ATG4C: variants seen among roughly 807,000 people sequenced by gnomAD.
ATG4C encodes cysteine protease ATG4C.
In ATG4C, 56 loss-of-function variants were observed where a neutral mutation model predicts 57.6. The observed-to-expected ratio is 0.97, with a 90% CI of 0.78 to 1.21. The LOEUF is 1.21. ATG4C is among the 50% of genes most tolerant of loss of function. The pLI is 0.00. For missense variants in ATG4C, 595 were observed against 529.8 expected, an observed-to-expected ratio of 1.12 and a Z score of -1.21; for synonymous variants, 157 against 174.1, an observed-to-expected ratio of 0.90 and a Z score of 0.78.
chr1:62,791,878 A>C (rs1214698173), intron 1 of ATG4C, among the ~76,000 whole-genome samples: 1 of 152,136 alleles, frequency 6.6e-6, no homozygotes, highest in African/African-American at 2.4e-5. Context: ...TTATGCTCCT[A>C]GACATTAGAC....
At chr1:62,861,656 CTG>C (rs1309331463) in intron 10 of ATG4C, among the ~76,000 whole-genome samples, 2 of 151,354 alleles carry the variant, frequency 1.3e-5, no homozygotes, top group African/African-American at 4.9e-5. Flanking sequence ...AGAAAAATCA[CTG>C]TTTCATTCAG....
intron 3 of ATG4C, among the ~76,000 whole-genome samples, chr1:62,805,783 T>C (rs1243307888): frequency 1.3e-5 from 2 of 152,188 alleles, no homozygotes. Context: ...TAGATTCAGG[T>C]ATTCTCATCT....
chr1:62,844,445 T>C (rs1490942429), intron 10 of ATG4C, among the ~76,000 whole-genome samples: 1 of 152,190 alleles, frequency 6.6e-6, no homozygotes, highest in Non-Finnish European at 1.5e-5. Flanking sequence ...TATATAAGTC[T>C]CTGAGTTTTG....
intron 8 of ATG4C, among the ~76,000 whole-genome samples, 190 bp downstream of exon 8, chr1:62,834,306 A>G (rs1237309350): frequency 6.6e-6 from 1 of 152,040 alleles, no homozygotes; most frequent in Non-Finnish European, 1.5e-5. Context: ...TATATGTTTA[A>G]TTTCTGTTAC....
intron 10 of ATG4C, among the ~76,000 whole-genome samples, chr1:62,843,105 G>T (rs1666221435): frequency 6.6e-6 from 1 of 151,074 alleles, no homozygotes. Flanking sequence ...CAGTAAAGCA[G>T]TTTACTCCTG....
intron 1 of ATG4C, among the ~76,000 whole-genome samples, chr1:62,786,756 G>A (rs1405805183): frequency 1.3e-5 from 2 of 152,148 alleles, no homozygotes; most frequent in Non-Finnish European, 2.9e-5. Context: ...AGAGGAGGCA[G>A]ACATAAATCA....
intron 6 of ATG4C, among the ~76,000 whole-genome samples, chr1:62,827,217 C>T (rs1221881335): frequency 1.3e-5 from 2 of 152,228 alleles, no homozygotes; most frequent in Non-Finnish European, 1.5e-5. Flanking sequence ...TAACTATAAT[C>T]GTATCTTCTA....
rs138608350 is a variant in ATG4C at position 62,864,018 on chromosome 1, A to G, written c.1236A>G (p.Lys412=). Residue 412 remains lysine, a synonymous_variant, in exon 11 of 11, where the codon AAA becomes AAG. Transcript: ENST00000317868. ...TGCTGAAATTTTCTTCTAAGGAGAA[A>G]TATCCCTTATTTACTTTTGTAAATG... ...TKMLKFSSKE[K]YPLFTFVNGH... is the part of the protein sequence containing the mutation. 8 of 1,579,872 alleles carry G rather than the reference A, an allele frequency of 5.1e-6. No homozygotes were observed. The highest frequency in any genetic ancestry group is 6.8e-6 in the Non-Finnish European group (8 of 1,167,984).
In ATG4C at chr1:62,865,499, A is replaced by G. The variant is rs1025544392; in HGVS notation, c.*1340A>G. 2 of 151,960 alleles carry G rather than the reference A, an allele frequency of 1.3e-5. No individual in the cohort carries two copies. Among genetic ancestry groups the G allele is most frequent in the Non-Finnish European group, 2.9e-5 (2 of 67,852 alleles). The allele number at this position is 151,960 out of a possible 1,614,324, so 9.4% of individuals were successfully genotyped here. On this transcript the variant is annotated 3_prime_UTR_variant, in exon 11 of 11. Coordinates refer to ENST00000317868, the MANE Select transcript of ATG4C (RefSeq NM_032852.4). Reference sequence around the variant, plus strand: ...AAGATTACTTACTGAGTTGAAATAAATAGTCTGAAATCTAAAAGTTTTCTT... The same window carrying G: ...AAGATTACTTACTGAGTTGAAATAAGTAGTCTGAAATCTAAAAGTTTTCTT...
intron 10 of ATG4C, among the ~76,000 whole-genome samples, chr1:62,849,667 A>G (rs1666441250): frequency 6.6e-6 from 1 of 152,078 alleles, no homozygotes; most frequent in South Asian, 2.1e-4. Context: ...GCCTGCCACC[A>G]CGCCCAGCTA....
intron 10 of ATG4C, among the ~76,000 whole-genome samples, chr1:62,841,874 G>A (rs1291196938): frequency 2.6e-5 from 4 of 152,188 alleles, no homozygotes; most frequent in African/African-American, 9.6e-5. Flanking sequence ...TCCCTTAGGG[G>A]TAGGAAAAAA....
intron 1 of ATG4C, among the ~76,000 whole-genome samples, chr1:62,800,047 T>A (rs1287151672): frequency 6.6e-6 from 1 of 152,186 alleles, no homozygotes; most frequent in Non-Finnish European, 1.5e-5. Flanking sequence ...CTTCCCCATA[T>A]AACATGTCTA....
chr1:62,835,832 T>C (rs1244605415), intron 9 of ATG4C, among the ~76,000 whole-genome samples: 1 of 152,068 alleles, frequency 6.6e-6, no homozygotes, highest in Non-Finnish European at 1.5e-5. Context: ...AGTTGACTGA[T>C]TGGTACTGGG....
intron 5 of ATG4C, among the ~76,000 whole-genome samples, chr1:62,820,349 A>G (rs747389876): frequency 3.3e-5 from 5 of 152,104 alleles, no homozygotes; most frequent in Admixed American, 1.3e-4. Flanking sequence ...AGTCCCTTAA[A>G]ACTGTCAAAA....
intron 10 of ATG4C, among the ~76,000 whole-genome samples, chr1:62,847,481 A>G (rs936501892): frequency 6.6e-6 from 1 of 152,336 alleles, no homozygotes; most frequent in Non-Finnish European, 1.5e-5. Context: ...TAGAAGAGAC[A>G]TAATTTAATT....
intron 3 of ATG4C, among the ~76,000 whole-genome samples, chr1:62,813,560 C>T (rs1292511239): frequency 6.6e-6 from 1 of 152,146 alleles, no homozygotes; most frequent in African/African-American, 2.4e-5. Flanking sequence ...ATGTCTAAAA[C>T]ACCAAAAGCA....
intron 10 of ATG4C, among the ~76,000 whole-genome samples, chr1:62,848,868 C>G (rs903358486): frequency 5.9e-5 from 9 of 152,158 alleles, no homozygotes; most frequent in Admixed American, 1.3e-4. Context: ...TAATCTAGAA[C>G]AGTTAATCAT....
At position 62,789,057 on chromosome 1, in the gene ATG4C, T is replaced by C. The variant is rs114778824; in HGVS notation, c.-69+4784T>C. Among the ~76,000 whole-genome samples, 170 of 152,268 alleles carry C rather than the reference T, an allele frequency of 1.1e-3. 1 individual carries two copies. The highest frequency in any genetic ancestry group is 2.8e-3 in the African/African-American group (118 of 41,558). On this transcript the variant is annotated intron_variant, in intron 1 of 10. Transcript: ENST00000317868. ...TTTAGTAATCTGTAGGGGTGATAAA[T>C]TGAGGTCATGTGGATATTCTGTTTT... is the stretch of plus-strand genomic sequence containing the variant.
At chr1:62,844,770 T>C (rs1209209487) in intron 10 of ATG4C, among the ~76,000 whole-genome samples, 1 of 152,012 alleles carries the variant, frequency 6.6e-6, no homozygotes, top group Non-Finnish European at 1.5e-5. Context: ...ACTTTATATA[T>C]CCATAAACAA....
Sources: gnomAD v4.1 joint callset for allele counts (sites outside exome capture counted in the v4.1 genomes callset) on GRCh38, gnomAD v4.1.1 for gene constraint, MANE v1.5 for transcripts, NCBI Gene and HGNC (gene_info 2026-07-23, HGNC 2026-07-21) for gene names.